DACH2: variants seen among roughly 807,000 people sequenced by gnomAD.
DACH2 encodes dachshund homolog 2.
In DACH2, 17 loss-of-function variants were observed where a neutral mutation model predicts 35.8. The observed-to-expected ratio is 0.48, with a 90% CI of 0.33 to 0.71. DACH2 has a LOEUF of 0.71. DACH2 is among the 30% of genes least tolerant of loss of function. The probability of loss-of-function intolerance (pLI) is 0.02; values close to 1 mark genes in which losing one functional copy is unlikely to be tolerated. For synonymous variants in DACH2, 195 were observed against 177.3 expected (o/e 1.10, Z -0.79); for missense variants, 469 against 472.7 (o/e 0.99, Z 0.07).
chrX:86,289,119 G>A (rs2034215072), intron 1 of DACH2, among the ~76,000 whole-genome samples: 1 of 109,215 alleles, frequency 9.2e-6, no homozygotes, highest in Non-Finnish European at 1.9e-5. Flanking sequence ...CCAGGTCTTG[G>A]TCATTCCCTT....
intron 6 of DACH2, among the ~76,000 whole-genome samples, chrX:86,730,769 T>A (rs983815044): frequency 2.0e-4 from 22 of 112,013 alleles, no homozygotes; most frequent in African/African-American, 7.1e-4. Flanking sequence ...TTATGCCCTA[T>A]GAGACCAGGG....
At chrX:86,334,287 G>A (rs1481695046) in intron 1 of DACH2, among the ~76,000 whole-genome samples, 2 of 111,596 alleles carry the variant, frequency 1.8e-5, no homozygotes, top group Admixed American at 1.9e-4. Context: ...GGGATTGCTG[G>A]GTCAAAAGGT....
intron 2 of DACH2, among the ~76,000 whole-genome samples, chrX:86,382,505 C>T (rs1392744360): frequency 9.3e-5 from 10 of 107,541 alleles, no homozygotes; most frequent in Non-Finnish European, 1.9e-4. Context: ...CACACACACA[C>T]GTCCTCTTGC....
At chrX:86,637,256 G>A (rs1360829828) in intron 3 of DACH2, among the ~76,000 whole-genome samples, 3 of 66,686 alleles carry the variant, frequency 4.5e-5, no homozygotes, top group Admixed American at 1.9e-4. Flanking sequence ...ACAGATGCTG[G>A]TTAGTTTTCA....
chrX:86,274,486 C>CTTTTTT (rs1569324707), intron 1 of DACH2, among the ~76,000 whole-genome samples: 1 of 12,176 alleles, frequency 8.2e-5, no homozygotes, highest in African/African-American at 5.9e-4. Flanking sequence ...GAGACGGAGT[C>CTTTTTT]TTTCTGTTTT....
At chrX:86,418,348 C>G (rs1009287650) in intron 2 of DACH2, among the ~76,000 whole-genome samples, 7 of 112,393 alleles carry the variant, frequency 6.2e-5, no homozygotes, top group African/African-American at 2.3e-4. Flanking sequence ...TTTCACTGCC[C>G]TAGCAGAAGT....
chrX:86,219,127 G>A (rs1019455314), intron 1 of DACH2, among the ~76,000 whole-genome samples: 2 of 111,853 alleles, frequency 1.8e-5, no homozygotes, highest in African/African-American at 6.5e-5. Context: ...AACGTGAGTT[G>A]ATGCATTTAG....
chrX:86,470,355 A>G (rs747629773), intron 2 of DACH2, among the ~76,000 whole-genome samples: 1 of 111,723 alleles, frequency 9.0e-6, no homozygotes, highest in Admixed American at 9.5e-5. Context: ...TTTACAATGG[A>G]CAGGGCATTT....
chrX:86,425,655 T>C, intron 2 of DACH2, among the ~76,000 whole-genome samples: 1 of 111,372 alleles, frequency 9.0e-6, no homozygotes, highest in Non-Finnish European at 1.9e-5. Flanking sequence ...TTTTGTACTG[T>C]TTTCTTCATT....
intron 1 of DACH2, among the ~76,000 whole-genome samples, chrX:86,240,437 G>GATT (rs3034441): frequency 0.14 from 12,856 of 94,962 alleles, 1,107 homozygotes; most frequent in African/African-American, 0.27. Context: ...GGTTGTATCA[G>GATT]ATTATTATTA....
chrX:86,380,008 A>G (rs1003237842), intron 2 of DACH2, among the ~76,000 whole-genome samples: 2 of 111,107 alleles, frequency 1.8e-5, no homozygotes, highest in Non-Finnish European at 3.8e-5. Flanking sequence ...TCAAAGGTAG[A>G]GAATTTAAGA....
At chrX:86,303,154 A>G (rs774143243) in intron 1 of DACH2, among the ~76,000 whole-genome samples, 2 of 105,439 alleles carry the variant, frequency 1.9e-5, no homozygotes, top group Non-Finnish European at 3.9e-5. Flanking sequence ...AGGAAAACAT[A>G]CATAAAGAGC....
chrX:86,385,953 C>T (rs997213131), intron 2 of DACH2, among the ~76,000 whole-genome samples: 2 of 111,672 alleles, frequency 1.8e-5, no homozygotes, highest in African/African-American at 6.5e-5. Flanking sequence ...CCATTCACCC[C>T]GTAGCCAGTT....
chrX:86,510,496 T>A (rs1042229607), intron 2 of DACH2, among the ~76,000 whole-genome samples: 36 of 111,960 alleles, frequency 3.2e-4, no homozygotes, highest in African/African-American at 1.2e-3. Context: ...GGTTTATTTT[T>A]CAATCTCAGG....
At chrX:86,788,107 G>C (rs2042155518) in intron 7 of DACH2, among the ~76,000 whole-genome samples, 1 of 110,944 alleles carries the variant, frequency 9.0e-6, no homozygotes, top group Non-Finnish European at 1.9e-5. Context: ...GGCCGCATGC[G>C]CAGTTTACTG....
intron 2 of DACH2, among the ~76,000 whole-genome samples, chrX:86,449,330 C>T (rs1171393118): frequency 3.1e-5 from 3 of 97,426 alleles, no homozygotes; most frequent in Non-Finnish European, 6.2e-5. Context: ...TATTTGTTGC[C>T]TTCTGCTAGC....
At chrX:86,387,876 C>G (rs931309058) in intron 2 of DACH2, among the ~76,000 whole-genome samples, 4 of 111,987 alleles carry the variant, frequency 3.6e-5, no homozygotes, top group Non-Finnish European at 7.5e-5. Context: ...TATTAGAAGT[C>G]CATGTAACAA....
At chrX:86,691,905 A>G (rs759792625) in intron 4 of DACH2, among the ~76,000 whole-genome samples, 3 of 111,980 alleles carry the variant, frequency 2.7e-5, no homozygotes, top group Admixed American at 1.9e-4. Flanking sequence ...TGTAGCTTAG[A>G]TTAGTCAAAA....
At chrX:86,458,019 G>T (rs763918247) in intron 2 of DACH2, among the ~76,000 whole-genome samples, 1 of 111,586 alleles carries the variant, frequency 9.0e-6, no homozygotes, top group Admixed American at 9.5e-5. Context: ...ATACAATACC[G>T]CACTTCATTT....
Sources: gnomAD v4.1 joint callset for allele counts (sites outside exome capture counted in the v4.1 genomes callset) on GRCh38, gnomAD v4.1.1 for gene constraint, MANE v1.5 for transcripts, NCBI Gene and HGNC (gene_info 2026-07-23, HGNC 2026-07-21) for gene names.